VPS13B: variants seen among roughly 807,000 people sequenced by gnomAD.
VPS13B encodes the protein vacuolar protein sorting 13 homolog B.
A neutral mutation model predicts 426.4 loss-of-function variants in VPS13B; 285 were observed. The observed-to-expected ratio is 0.67, with a 90% CI of 0.61 to 0.74. The LOEUF is 0.74. VPS13B is among the 30% of genes least tolerant of loss of function. The pLI is 0.00. For synonymous variants in VPS13B, 1,676 were observed against 1,676.4 expected (o/e 1.00, Z 0.01); for missense variants, 4,537 against 4,782.6 (o/e 0.95, Z 1.51).
At chr8:99,403,194 T>C (rs977348702) in intron 21 of VPS13B, among the ~76,000 whole-genome samples, 4 of 152,192 alleles carry the variant, frequency 2.6e-5, no homozygotes, top group African/African-American at 9.7e-5. Flanking sequence ...CACAGATTTC[T>C]TGACAGTTTT....
intron 33 of VPS13B, among the ~76,000 whole-genome samples, chr8:99,623,020 A>G (rs1487117316): frequency 6.6e-6 from 1 of 152,204 alleles, no homozygotes; most frequent in African/African-American, 2.4e-5. Flanking sequence ...AACCTAAGTC[A>G]AGTGAGTCTC....
At chr8:99,202,932 G>A (rs760579263) in intron 17 of VPS13B, among the ~76,000 whole-genome samples, 5 of 152,098 alleles carry the variant, frequency 3.3e-5, no homozygotes, top group South Asian at 2.1e-4. Context: ...TACTCTGGAC[G>A]CTGAGGCAGG....
chr8:99,223,182 T>G (rs899141796), intron 17 of VPS13B, among the ~76,000 whole-genome samples: 5 of 152,204 alleles, frequency 3.3e-5, no homozygotes, highest in Admixed American at 3.3e-4. Flanking sequence ...TTAGAAATTA[T>G]TTATTTTACT....
intron 19 of VPS13B, among the ~76,000 whole-genome samples, chr8:99,370,258 TAACA>T (rs1813103604): frequency 6.6e-6 from 1 of 152,160 alleles, no homozygotes; most frequent in Non-Finnish European, 1.5e-5. Flanking sequence ...TAAATGTTAA[TAACA>T]AACAAGGTAA....
intron 33 of VPS13B, among the ~76,000 whole-genome samples, chr8:99,622,751 C>G (rs1324916877): frequency 6.6e-6 from 1 of 152,136 alleles, no homozygotes. Flanking sequence ...TATACAACAC[C>G]CTTTTCCAGT....
intron 30 of VPS13B, among the ~76,000 whole-genome samples, chr8:99,537,148 T>C (rs1823290811): frequency 6.6e-6 from 1 of 152,194 alleles, no homozygotes; most frequent in Non-Finnish European, 1.5e-5. Flanking sequence ...CTCACTATTT[T>C]TTTCCCAATT....
In VPS13B at chr8:99,875,288, T is replaced by C; in HGVS notation, c.11746-130T>C. The C allele has an allele frequency of 7.7e-6, 10 of 1,294,996 alleles. No individual in the cohort carries two copies. The South Asian group carries it at 9.8e-5, about 13-fold the overall frequency. 80.2% of individuals were successfully genotyped at this position (1,294,996 alleles called of 1,614,324 possible). A position where few individuals can be genotyped will look rare whatever the true frequency, so the allele number is the denominator to read the frequency against. On this transcript the variant is annotated intron_variant, in intron 61 of 61. Coordinates refer to ENST00000357162, the MANE Select transcript of VPS13B (RefSeq NM_152564.5). ...TATCTCAGAGGAAAAAAGGAAACAT[T>C]CTGGATTAATGGCTTTAATAGATGA...
intron 32 of VPS13B, 41 bp downstream of exon 32, chr8:99,575,825 G>T (rs1588510483): frequency 6.3e-7 from 1 of 1,593,384 alleles, no homozygotes; most frequent in Non-Finnish European, 8.6e-7. Context: ...CTAAATAATG[G>T]AATTGCTCCT....
intron 59 of VPS13B, among the ~76,000 whole-genome samples, chr8:99,869,176 AT>A (rs1003905740): frequency 6.6e-6 from 1 of 152,222 alleles, no homozygotes; most frequent in African/African-American, 2.4e-5. Context: ...AACTGTTACC[AT>A]TTTACCTAAA....
chr8:99,253,156 A>G (rs935832748), intron 17 of VPS13B, among the ~76,000 whole-genome samples: 1 of 152,100 alleles, frequency 6.6e-6, no homozygotes, highest in African/African-American at 2.4e-5. Flanking sequence ...TTGTTGTAGT[A>G]TGTTTCAGTA....
At chr8:99,372,823 C>G (rs1032170841) in intron 19 of VPS13B, among the ~76,000 whole-genome samples, 2 of 152,132 alleles carry the variant, frequency 1.3e-5, no homozygotes, top group Non-Finnish European at 2.9e-5. Flanking sequence ...GGTATATACC[C>G]AAAGGATTAT....
chr8:99,135,686 A>C lies in VPS13B; in HGVS notation c.1516A>C (p.Asn506His), dbSNP rs777538355. The C allele has an allele frequency of 6.2e-7, 1 of 1,613,482 alleles. No homozygotes were observed. The highest frequency in any genetic ancestry group is 8.5e-7 in the Non-Finnish European group (1 of 1,179,524). The change falls in exon 11 of 62, where the codon AAT becomes CAT. Residue 506 changes from asparagine to histidine, a missense_variant. Transcript: ENST00000357162. The part of the protein sequence containing the change: ...NSLFDYRSPE[N>H]NGTRAEFILD... ...ATTGTTTGATTACCGAAGCCCAGAA[A>C]ATAATGGTACTCGCGCAGAATTTAT...
At chr8:99,846,520 ACTAT>A (rs1200143915) in intron 54 of VPS13B, among the ~76,000 whole-genome samples, 1 of 152,212 alleles carries the variant, frequency 6.6e-6, no homozygotes, top group Non-Finnish European at 1.5e-5. Flanking sequence ...CAGGTACCTA[ACTAT>A]CTAACCCCTA....
chr8:99,186,513 T>A (rs1334441896), intron 16 of VPS13B, among the ~76,000 whole-genome samples: 1 of 152,082 alleles, frequency 6.6e-6, no homozygotes, highest in African/African-American at 2.4e-5. Context: ...GTTAACCAGT[T>A]ACAAATATTT....
At chr8:99,795,804 T>A (rs1294231814) in intron 43 of VPS13B, among the ~76,000 whole-genome samples, 2 of 152,164 alleles carry the variant, frequency 1.3e-5, no homozygotes, top group Admixed American at 1.3e-4. Flanking sequence ...GCTCGAGTAA[T>A]CTCATGACAT....
At chr8:99,094,263 A>G (rs1217912801) in intron 3 of VPS13B, among the ~76,000 whole-genome samples, 1 of 152,206 alleles carries the variant, frequency 6.6e-6, no homozygotes, top group Non-Finnish European at 1.5e-5. Flanking sequence ...TGAGACAACC[A>G]TATGTTTCAA....
chr8:99,714,320 G>T (rs1788146), intron 36 of VPS13B, among the ~76,000 whole-genome samples: 20,724 of 151,998 alleles, frequency 0.14, 1,929 homozygotes, highest in East Asian at 0.39. Context: ...AATTGAATTA[G>T]TATATGGGGT....
At position 99,642,180 on chromosome 8, in the gene VPS13B, C is replaced by A. The variant is rs1386417168; in HGVS notation, c.5590C>A (p.Gln1864Lys). 6.2e-7 allele frequency: 1 copy of A among 1,614,006 alleles called. No individual in the cohort carries two copies. Among genetic ancestry groups the A allele is most frequent in the African/African-American group, 1.3e-5 (1 of 74,924 alleles). ...TGATTCAGATGTTGCTAAGCCCAAC[C>A]AGGCATGTATTTCCACGGTGACAGC... is the stretch of plus-strand genomic sequence containing the variant. ...EVDSDVAKPNQACISTVTAED... is the reference protein window; with the variant it reads ...EVDSDVAKPNKACISTVTAED... The change falls in exon 34 of 62, where the codon CAG (glutamine) becomes AAG (lysine). Residue 1864 changes from glutamine to lysine, a missense_variant. Coordinates refer to ENST00000357162, the MANE Select transcript of VPS13B (RefSeq NM_152564.5).
At chr8:99,538,019 G>T (rs1823352208) in intron 30 of VPS13B, among the ~76,000 whole-genome samples, 1 of 152,148 alleles carries the variant, frequency 6.6e-6, no homozygotes, top group Admixed American at 6.5e-5. Flanking sequence ...TTGGAGACCT[G>T]CTAGTACTAG....
Sources: gnomAD v4.1 joint callset for allele counts (sites outside exome capture counted in the v4.1 genomes callset) on GRCh38, gnomAD v4.1.1 for gene constraint, MANE v1.5 for transcripts, NCBI Gene and HGNC (gene_info 2026-07-23, HGNC 2026-07-21) for gene names.